Variants in LSM12 observed in about 807,000 individuals in gnomAD.
LSM12 encodes LSM12 homolog, also known as protein LSM12.
For synonymous variants in LSM12, 74 were observed against 87.3 expected (o/e 0.85, Z 0.85); for missense variants, 108 against 238.9 (o/e 0.45, Z 3.61).
At chr17:44,044,571 C>G (rs977884273) in intron 2 of LSM12, among the ~76,000 whole-genome samples, 63 of 152,104 alleles carry the variant, frequency 4.1e-4, no homozygotes, top group African/African-American at 1.5e-3. Flanking sequence ...TTTAGGGATC[C>G]GGACTCAGCT....
intron 2 of LSM12, among the ~76,000 whole-genome samples, chr17:44,060,323 C>T (rs1353230309): frequency 6.6e-6 from 1 of 152,094 alleles, no homozygotes; most frequent in East Asian, 1.9e-4. Context: ...AACTCAAGTC[C>T]GTGATCTTAA....
At chr17:44,061,981 G>T (rs1003129207) in intron 2 of LSM12, among the ~76,000 whole-genome samples, 5 of 152,130 alleles carry the variant, frequency 3.3e-5, no homozygotes, top group Non-Finnish European at 5.9e-5. Flanking sequence ...CAGCACTTTG[G>T]GAGGCCGAGG....
At chr17:44,057,155 T>C (rs1352825521) in intron 2 of LSM12, among the ~76,000 whole-genome samples, 2 of 150,552 alleles carry the variant, frequency 1.3e-5, no homozygotes, top group African/African-American at 4.9e-5. Flanking sequence ...GACTTTTTTT[T>C]TCTTTTTTTT....
chr17:44,046,002 T>C (rs1310769505), intron 2 of LSM12, among the ~76,000 whole-genome samples: 1 of 146,312 alleles, frequency 6.8e-6, no homozygotes, highest in East Asian at 2.0e-4. Context: ...AGTGGCGCGA[T>C]CTTGGCTCAC....
chr17:44,046,361 GTA>G (rs1425947386), intron 2 of LSM12, among the ~76,000 whole-genome samples: 1 of 152,042 alleles, frequency 6.6e-6, no homozygotes, highest in Non-Finnish European at 1.5e-5. Flanking sequence ...TATGGTAAGT[GTA>G]TGTTTAATTT....
chr17:44,067,491 T>A (rs1426883667), upstream of LSM12: 1 of 152,212 alleles, frequency 6.6e-6, no homozygotes, highest in Non-Finnish European at 1.5e-5. Context: ...CTTGAGCATC[T>A]AACAGCCCTT....
chr17:44,064,286 C>G (rs560221957), intron 1 of LSM12, among the ~76,000 whole-genome samples: 21 of 152,352 alleles, frequency 1.4e-4, no homozygotes, highest in African/African-American at 4.6e-4. Flanking sequence ...TCTTTTTACT[C>G]TTTCAGATGT....
In LSM12 at chr17:44,036,463, G is replaced by T. The variant is rs1202932128; in HGVS notation, c.496-163C>A. Among the ~76,000 whole-genome samples the T allele has an allele frequency of 3.9e-5, 6 of 152,162 alleles. No homozygotes were observed. In the East Asian group the frequency reaches 1.2e-3, roughly 29 times the overall value. On this transcript the variant is annotated intron_variant, in intron 4 of 4. Transcript: ENST00000293406. ...ATTGGCCTTCCCAACCACAAGGTAG[G>T]CCAGGGCCTCCTGCTTCAGCCACAT...
chr17:44,050,073 G>T (rs2049622621), intron 2 of LSM12, among the ~76,000 whole-genome samples: 1 of 152,154 alleles, frequency 6.6e-6, no homozygotes, highest in Non-Finnish European at 1.5e-5. Context: ...TGAATCTGGG[G>T]TAGGCTCTTG....
intron 2 of LSM12, 58 bp from the exon 3 acceptor site, chr17:44,040,314 A>T: frequency 1.5e-6 from 2 of 1,300,814 alleles, no homozygotes; most frequent in Non-Finnish European, 2.2e-6. Context: ...TCTTGCCAAC[A>T]GTCAGGACCT....
chr17:44,067,000 T>C (rs564641044), upstream of LSM12, among the ~76,000 whole-genome samples: 1 of 152,280 alleles, frequency 6.6e-6, no homozygotes, highest in African/African-American at 2.4e-5. Flanking sequence ...TAACGATACT[T>C]GGACAAGATG....
In LSM12 at chr17:44,049,608, A is replaced by G. The variant is rs576315636; in HGVS notation, c.259-9352T>C. Among the ~76,000 whole-genome samples the G allele has an allele frequency of 1.6e-4, 25 of 152,320 alleles. No homozygotes were observed. The South Asian group carries it at 4.8e-3, about 29-fold the overall frequency. On this transcript the variant is annotated intron_variant, in intron 2 of 4. Transcript: ENST00000293406. Reference sequence around the variant, plus strand: ...GTGATTTAATGAACACCAAGGACACATATCTTGTCTGCACGCAGTGACATG... The same window carrying G: ...GTGATTTAATGAACACCAAGGACACGTATCTTGTCTGCACGCAGTGACATG...
intron 2 of LSM12, among the ~76,000 whole-genome samples, chr17:44,051,902 G>T (rs543597406): frequency 6.6e-6 from 1 of 152,102 alleles, no homozygotes; most frequent in Admixed American, 6.6e-5. Flanking sequence ...GAGGTCACGA[G>T]TTCAAGACCA....
At chr17:44,039,364 T>A (rs966240757) in intron 3 of LSM12, among the ~76,000 whole-genome samples, 33 of 101,098 alleles carry the variant, frequency 3.3e-4, no homozygotes, top group African/African-American at 1.2e-3. Context: ...CAACAAAATG[T>A]CTTTTTTTTT....
chr17:44,066,922 T>G (rs1183707885), upstream of LSM12, among the ~76,000 whole-genome samples: 1 of 152,216 alleles, frequency 6.6e-6, no homozygotes, highest in African/African-American at 2.4e-5. Context: ...CACAAGAGTT[T>G]AATGAATGAA....
chr17:44,043,720 G>A (rs544158122), intron 2 of LSM12, among the ~76,000 whole-genome samples: 8 of 151,402 alleles, frequency 5.3e-5, no homozygotes, highest in Non-Finnish European at 8.8e-5. Flanking sequence ...TGTAATCCCA[G>A]CATTTTGGGA....
At chr17:44,066,695 C>T, upstream of LSM12, 1 of 1,225,548 alleles carries the variant, frequency 8.2e-7, no homozygotes, top group East Asian at 3.5e-5. Flanking sequence ...GCTTGCGTCA[C>T]ACGCCGGGGC....
At chr17:44,052,696 T>C (rs1355717932) in intron 2 of LSM12, among the ~76,000 whole-genome samples, 1 of 151,530 alleles carries the variant, frequency 6.6e-6, no homozygotes, top group African/African-American at 2.4e-5. Flanking sequence ...GAGGTGGAGG[T>C]TGCAGTGAGC....
rs1411204520 is a variant in LSM12, at chr17:44,034,367, A to G, written c.*1841T>C. On this transcript the variant is annotated 3_prime_UTR_variant, in exon 5 of 5. Coordinates refer to ENST00000293406, the MANE Select transcript of LSM12 (RefSeq NM_001371445.1). The stretch of plus-strand genomic sequence containing the variant: ...AAGTTTACTTCTCAGCTCGCCGACC[A>G]TTTGTGCCTCCAAACAGTCCTGTAA... Among the ~76,000 whole-genome samples the G allele has an allele frequency of 6.6e-6, 1 of 152,122 alleles. No individual in the cohort carries two copies. Among genetic ancestry groups the G allele is most frequent in the Non-Finnish European group, 1.5e-5 (1 of 68,022 alleles).
Sources: allele counts gnomAD v4.1 joint callset (sites outside exome capture counted in the v4.1 genomes callset), GRCh38; gene constraint gnomAD v4.1.1; transcripts MANE v1.5; gene names NCBI Gene and HGNC (gene_info 2026-07-23, HGNC 2026-07-21).